NCOA1: variants seen among roughly 807,000 people sequenced by gnomAD.
The protein encoded by NCOA1 is nuclear receptor coactivator 1, also known as Hin-2 protein.
NCOA1 carries 35 observed loss-of-function variants against 150.9 expected under a neutral mutation model. The observed-to-expected ratio is 0.23, with a 90% CI of 0.18 to 0.31. The LOEUF is 0.31. Ranked by LOEUF, NCOA1 falls within the 10% of genes least tolerant of loss-of-function variation. NCOA1 has a pLI of 1.00. For synonymous variants in NCOA1, 590 were observed against 630.0 expected, an observed-to-expected ratio of 0.94 and a Z score of 0.95; for missense variants, 1,491 against 1,749.3, an observed-to-expected ratio of 0.85 and a Z score of 2.63.
rs201335652 is a variant in NCOA1 at position 24,729,451 on chromosome 2, C to T, written c.2887-50C>T. The T allele has an allele frequency of 1.4e-5, 21 of 1,518,106 alleles. No homozygotes were observed. In the Admixed American group the frequency reaches 2.8e-4, roughly 21 times the overall value. 94.0% of individuals were successfully genotyped at this position (1,518,106 alleles called of 1,614,324 possible). ...TTTCTAGAAATACGGAAGCATGTTA[C>T]TTATTGGCAGAAATTTATTTGTAAA... On this transcript the variant is annotated intron_variant, in intron 16 of 22. Coordinates refer to ENST00000348332, the MANE Select transcript of NCOA1 (RefSeq NM_003743.5).
At chr2:24,644,550 T>C (rs1398810911) in intron 4 of NCOA1, among the ~76,000 whole-genome samples, 1 of 152,172 alleles carries the variant, frequency 6.6e-6, no homozygotes, top group Middle Eastern at 3.2e-3. Flanking sequence ...TATATACCTA[T>C]GTAATTTATG....
In NCOA1 at chr2:24,707,334, G is replaced by A; in HGVS notation, c.1864G>A (p.Gly622Arg). ...LLHNNDRLSD[G>R]DSKYSQTSHK... ...GCATAACAATGACAGACTTTCAGAT[G>A]GAGACAGTAAATACTCTCAAACCAG... is the stretch of plus-strand genomic sequence containing the variant. Residue 622 changes from glycine to arginine, a missense_variant, in exon 13 of 23, where the codon GGA becomes AGA. Gly to Arg is a moderately radical substitution (Grantham distance 125). Transcript: ENST00000348332. 6.2e-7 allele frequency: 1 copy of A among 1,614,168 alleles called. No individual in the cohort carries two copies. Among genetic ancestry groups the A allele is most frequent in the Non-Finnish European group, 8.5e-7 (1 of 1,180,044 alleles).
At chr2:24,692,986 G>A (rs750228680) in intron 9 of NCOA1, among the ~76,000 whole-genome samples, 22 of 152,206 alleles carry the variant, frequency 1.4e-4, no homozygotes, top group East Asian at 1.2e-3. Flanking sequence ...TCAGCCTCCC[G>A]AGTAGCGGGG....
rs867528944 is a variant in NCOA1, at chr2:24,728,251, A to T, written c.2718-57A>T. On this transcript the variant is annotated intron_variant, in intron 15 of 22. Coordinates refer to ENST00000348332, the MANE Select transcript of NCOA1 (RefSeq NM_003743.5). ...TTTGCATCTATATATGTATATAAAG[A>T]TTGAATAAATTATTTGCTATGTCAG... The T allele has an allele frequency of 1.3e-5, 20 of 1,487,132 alleles. 1 individual carries two copies. The Middle Eastern group carries it at 3.6e-3, about 265-fold the overall frequency. 92.1% of individuals were successfully genotyped at this position (1,487,132 alleles called of 1,614,324 possible).
intron 1 of NCOA1, among the ~76,000 whole-genome samples, chr2:24,562,787 G>T (rs997891996): frequency 6.6e-6 from 1 of 152,160 alleles, no homozygotes; most frequent in African/African-American, 2.4e-5. Flanking sequence ...TTGGGGAGAT[G>T]ACCAAGATTT....
At chr2:24,651,331 A>C (rs1192713272) in intron 4 of NCOA1, among the ~76,000 whole-genome samples, 1 of 152,114 alleles carries the variant, frequency 6.6e-6, no homozygotes, top group African/African-American at 2.4e-5. Context: ...ATAGATAAAG[A>C]AGTTGTAATA....
intron 11 of NCOA1, among the ~76,000 whole-genome samples, chr2:24,700,305 G>A (rs1021322079): frequency 2.6e-5 from 4 of 152,018 alleles, no homozygotes; most frequent in Admixed American, 1.3e-4. Flanking sequence ...AACAGATTAT[G>A]TACTATCTTC....
chr2:24,762,174 G>T (rs1437967339), intron 21 of NCOA1, among the ~76,000 whole-genome samples: 2 of 152,198 alleles, frequency 1.3e-5, no homozygotes, highest in Non-Finnish European at 2.9e-5. Context: ...GCCACAGTAG[G>T]GACTGCTGAA....
intron 6 of NCOA1, among the ~76,000 whole-genome samples, chr2:24,669,780 A>G (rs1206015969): frequency 6.6e-6 from 1 of 152,254 alleles, no homozygotes; most frequent in Non-Finnish European, 1.5e-5. Flanking sequence ...ATCATTAGCC[A>G]TTAGGGAAAT....
At chr2:24,654,791 T>C (rs1407480899) in intron 4 of NCOA1, among the ~76,000 whole-genome samples, 2 of 151,206 alleles carry the variant, frequency 1.3e-5, no homozygotes, top group Admixed American at 1.3e-4. Flanking sequence ...ACCTCTTTCA[T>C]GTTTCTCAAA....
intron 11 of NCOA1, among the ~76,000 whole-genome samples, chr2:24,701,978 C>A (rs1466485373): frequency 6.6e-6 from 1 of 152,116 alleles, no homozygotes; most frequent in African/African-American, 2.4e-5. Context: ...CCACTGCACT[C>A]CAGCTTGGGT....
At chr2:24,505,438 C>T (rs186574277) in intron 1 of NCOA1, among the ~76,000 whole-genome samples, 201 of 152,266 alleles carry the variant, frequency 1.3e-3, no homozygotes, top group African/African-American at 4.3e-3. Flanking sequence ...CTCGGTCTCC[C>T]GAAGTGCTGG....
chr2:24,736,556 A>G (rs1663314774), intron 17 of NCOA1, among the ~76,000 whole-genome samples: 3 of 152,360 alleles, frequency 2.0e-5, no homozygotes, highest in African/African-American at 2.4e-5. Context: ...AAGGACAGAA[A>G]AAAAGAGAGA....
In NCOA1 at chr2:24,729,524, A is replaced by G. The variant is rs561735649; in HGVS notation, c.2910A>G (p.Ser970=). 3.7e-5 allele frequency: 59 copies of G among 1,614,070 alleles called. No individual in the cohort carries two copies. The highest frequency in any genetic ancestry group is 3.3e-4 in the South Asian group (30 of 91,086). The change falls in exon 17 of 23, where the codon TCA becomes TCG. Residue 970 remains serine, a synonymous_variant. Transcript: ENST00000348332. Reference sequence around the variant, plus strand: ...AGGGGGGTGGATTAGATGTATTATCAGAGAGATTTCCACCACAACAAGCAA... The same window carrying G: ...AGGGGGGTGGATTAGATGTATTATCGGAGAGATTTCCACCACAACAAGCAA... ...LVQGGGLDVL[S]ERFPPQQATP...
chr2:24,525,526 G>A (rs1159433897), intron 1 of NCOA1, among the ~76,000 whole-genome samples: 3 of 151,146 alleles, frequency 2.0e-5, no homozygotes, highest in Non-Finnish European at 2.9e-5. Context: ...ACTTCAGGTT[G>A]TAGTCTTTAT....
At chr2:24,541,290 G>C (rs1665383021) in intron 1 of NCOA1, among the ~76,000 whole-genome samples, 1 of 152,202 alleles carries the variant, frequency 6.6e-6, no homozygotes, top group Admixed American at 6.5e-5. Flanking sequence ...AAGAATGGTT[G>C]AAAGAGTGAG....
At position 24,750,358 on chromosome 2, in the gene NCOA1, G is replaced by T. The variant is rs530654322; in HGVS notation, c.3707-1624G>T. Among the ~76,000 whole-genome samples, 8 of 152,186 alleles carry T rather than the reference G, an allele frequency of 5.3e-5. No homozygotes were observed. The South Asian group carries it at 1.5e-3, about 28-fold the overall frequency. ...TAATTTCAAAAATTACCATAAAGTC[G>T]CAACAATCAAGACAATGTGGTGCTG... is the stretch of plus-strand genomic sequence containing the variant. On this transcript the variant is annotated intron_variant, in intron 19 of 22. Coordinates refer to ENST00000348332, the MANE Select transcript of NCOA1 (RefSeq NM_003743.5).
chr2:24,720,945 A>G (rs895271808), intron 14 of NCOA1, among the ~76,000 whole-genome samples: 1 of 152,270 alleles, frequency 6.6e-6, no homozygotes, highest in East Asian at 1.9e-4. Flanking sequence ...TCACGTACAA[A>G]TATCTTGCAT....
rs1572627148 is a variant in NCOA1 at position 24,711,058 on chromosome 2, T to C, written c.2546T>C (p.Ile849Thr). ...ACCAGTGTAACCATCAAATCGGAGATCCTGCCAGCTTCACTTCAGTCCGCC... is the reference window on the plus strand; with the variant it reads ...ACCAGTGTAACCATCAAATCGGAGACCCTGCCAGCTTCACTTCAGTCCGCC... The part of the protein sequence containing the change: ...AVTSVTIKSE[I>T]LPASLQSATA... The change falls in exon 14 of 23, where the codon ATC (isoleucine) becomes ACC (threonine). Residue 849 changes from isoleucine (I) to threonine (T), a missense_variant. Transcript: ENST00000348332. 6.2e-7 allele frequency: 1 copy of C among 1,614,154 alleles called. No individual in the cohort carries two copies.
Sources: allele counts gnomAD v4.1 joint callset (sites outside exome capture counted in the v4.1 genomes callset), GRCh38; gene constraint gnomAD v4.1.1; transcripts MANE v1.5; gene names NCBI Gene and HGNC (gene_info 2026-07-23, HGNC 2026-07-21).